Variants in ARHGAP26 observed in about 807,000 individuals in gnomAD.
The protein encoded by ARHGAP26 is rho GTPase-activating protein 26.
Under a neutral mutation model 104.8 loss-of-function variants are expected in ARHGAP26, and 38 were observed. The observed-to-expected ratio is 0.36, with a 90% confidence interval of 0.28 to 0.48. The LOEUF is 0.48. Ranked by LOEUF, ARHGAP26 falls within the 20% of genes least tolerant of loss-of-function variation. The pLI is 0.99. For synonymous variants in ARHGAP26, 341 were observed against 340.0 expected, an observed-to-expected ratio of 1.00 and a Z score of -0.03; for missense variants, 704 against 947.9, an observed-to-expected ratio of 0.74 and a Z score of 3.38.
intron 14 of ARHGAP26, among the ~76,000 whole-genome samples, chr5:143,050,770 C>T (rs1228502528): frequency 6.6e-6 from 1 of 152,156 alleles, no homozygotes; most frequent in African/African-American, 2.4e-5. Flanking sequence ...ATGACAGGAC[C>T]AGAAGATGAT....
At chr5:142,919,897 A>G (rs1288589406) in intron 10 of ARHGAP26, among the ~76,000 whole-genome samples, 2 of 152,128 alleles carry the variant, frequency 1.3e-5, no homozygotes, top group East Asian at 3.9e-4. Context: ...GCTATTCAGG[A>G]GGCTGAGGCA....
chr5:143,158,771 T>C (rs1800824332), intron 20 of ARHGAP26, among the ~76,000 whole-genome samples: 2 of 152,280 alleles, frequency 1.3e-5, no homozygotes, highest in Non-Finnish European at 1.5e-5. Context: ...TCAAAAATAC[T>C]CAGAAAAGGG....
intron 17 of ARHGAP26, among the ~76,000 whole-genome samples, chr5:143,114,319 T>G (rs946130659): frequency 6.6e-6 from 1 of 152,150 alleles, no homozygotes; most frequent in Non-Finnish European, 1.5e-5. Flanking sequence ...GACAGAGGCC[T>G]CCTCAGCGCT....
chr5:143,016,553 A>C (rs1813186), intron 12 of ARHGAP26, among the ~76,000 whole-genome samples: 14,475 of 152,060 alleles, frequency 0.095, 1,300 homozygotes, highest in African/African-American at 0.23. Context: ...AAATACAAAA[A>C]TTAGCCAGGC....
chr5:143,179,407 C>G (rs1368096214), intron 20 of ARHGAP26, among the ~76,000 whole-genome samples: 1 of 152,208 alleles, frequency 6.6e-6, no homozygotes, highest in Non-Finnish European at 1.5e-5. Flanking sequence ...CTTCTTGGAC[C>G]AGCCTGGGAT....
At chr5:142,960,624 A>G (rs1422049271) in intron 11 of ARHGAP26, among the ~76,000 whole-genome samples, 1 of 152,190 alleles carries the variant, frequency 6.6e-6, no homozygotes, top group Non-Finnish European at 1.5e-5. Flanking sequence ...ATGAGGGGAG[A>G]CTACTGTAAT....
chr5:143,211,537 G>A (rs75400461), intron 21 of ARHGAP26, among the ~76,000 whole-genome samples: 4 of 151,922 alleles, frequency 2.6e-5, no homozygotes, highest in African/African-American at 9.7e-5. Flanking sequence ...AAAAAAACAA[G>A]GCCCTTTCTT....
intron 1 of ARHGAP26, among the ~76,000 whole-genome samples, chr5:142,850,298 C>T (rs1016523414): frequency 1.3e-5 from 2 of 152,222 alleles, no homozygotes; most frequent in African/African-American, 4.8e-5. Context: ...ACCAGTTTAA[C>T]TCCTCCTTCC....
intron 14 of ARHGAP26, among the ~76,000 whole-genome samples, chr5:143,045,958 C>T (rs1014929528): frequency 1.3e-5 from 2 of 152,130 alleles, no homozygotes; most frequent in African/African-American, 4.8e-5. Flanking sequence ...ATAGTGAAAC[C>T]CTTTCTCTAC....
At chr5:143,035,496 C>T (rs1038936383) in intron 12 of ARHGAP26, among the ~76,000 whole-genome samples, 4 of 151,250 alleles carry the variant, frequency 2.6e-5, no homozygotes, top group African/African-American at 4.9e-5. Flanking sequence ...TATGAGGATG[C>T]GAAGGCACAA....
At chr5:143,138,747 C>T (rs1798187773) in intron 19 of ARHGAP26, among the ~76,000 whole-genome samples, 1 of 152,126 alleles carries the variant, frequency 6.6e-6, no homozygotes, top group African/African-American at 2.4e-5. Flanking sequence ...ATATAACTTA[C>T]CAGGTGGTTT....
intron 1 of ARHGAP26, among the ~76,000 whole-genome samples, chr5:142,847,996 C>G (rs1328201577): frequency 6.6e-6 from 1 of 152,196 alleles, no homozygotes; most frequent in Non-Finnish European, 1.5e-5. Context: ...TAGTTCTGTC[C>G]TAGAAGAGTG....
At chr5:143,174,050 G>C (rs1363632669) in intron 20 of ARHGAP26, among the ~76,000 whole-genome samples, 1 of 152,144 alleles carries the variant, frequency 6.6e-6, no homozygotes, top group Non-Finnish European at 1.5e-5. Flanking sequence ...TCTTCCAATA[G>C]CCTCTCCATG....
At chr5:142,814,401 AG>A (rs1447713670) in intron 1 of ARHGAP26, among the ~76,000 whole-genome samples, 1 of 152,238 alleles carries the variant, frequency 6.6e-6, no homozygotes, top group Non-Finnish European at 1.5e-5. Flanking sequence ...CTGTTCTCTC[AG>A]GATATTAAGT....
chr5:142,980,474 C>T lies in ARHGAP26; in HGVS notation c.1108-33606C>T, dbSNP rs544955731. 5.3e-5 allele frequency among the ~76,000 whole-genome samples: 8 copies of T among 151,652 alleles called. No individual in the cohort carries two copies. In the East Asian group the frequency reaches 1.2e-3, roughly 22 times the overall value. On this transcript the variant is annotated intron_variant, in intron 11 of 22. Coordinates refer to ENST00000645722, the MANE Select transcript of ARHGAP26 (RefSeq NM_001135608.3). Reference sequence around the variant, plus strand: ...TGCGATCTAGGCTCACTGCAACCTCCGTTTCCTGGGTTTAAGCAATTCTCC... The same window carrying T: ...TGCGATCTAGGCTCACTGCAACCTCTGTTTCCTGGGTTTAAGCAATTCTCC...
intron 20 of ARHGAP26, among the ~76,000 whole-genome samples, chr5:143,173,421 G>A (rs986739195): frequency 5.9e-5 from 9 of 152,114 alleles, no homozygotes; most frequent in African/African-American, 1.2e-4. Context: ...TCAGGAGAGC[G>A]GAAAATCACC....
chr5:143,165,373 G>A (rs552440901), intron 20 of ARHGAP26: 1 of 152,320 alleles, frequency 6.6e-6, no homozygotes, highest in East Asian at 1.9e-4. Flanking sequence ...TATCTAAAAG[G>A]AAGTTTAATG....
chr5:142,872,915 C>G (rs1204803766), intron 1 of ARHGAP26, among the ~76,000 whole-genome samples: 1 of 152,168 alleles, frequency 6.6e-6, no homozygotes, highest in Non-Finnish European at 1.5e-5. Flanking sequence ...CCCAGCCCCT[C>G]CTTCCAGCCT....
rs576530092 is a variant in ARHGAP26, at chr5:143,012,871, GT to G, written c.1108-1208del. On this transcript the variant is annotated intron_variant, in intron 11 of 22. Coordinates refer to ENST00000645722, the MANE Select transcript of ARHGAP26 (RefSeq NM_001135608.3). ...GAGTTTCACCATGTTAGCCAGGATG[GT>G]CTCGATCTCCTGACCTCATGATCCA... Among the ~76,000 whole-genome samples the G allele has an allele frequency of 4.9e-3, 745 of 151,832 alleles. 7 individuals are homozygous for G. Among genetic ancestry groups the G allele is most frequent in the Non-Finnish European group, 8.4e-3 (568 of 67,942 alleles).
Sources: allele counts gnomAD v4.1 joint callset (sites outside exome capture counted in the v4.1 genomes callset), GRCh38; gene constraint gnomAD v4.1.1; transcripts MANE v1.5; gene names NCBI Gene and HGNC (gene_info 2026-07-23, HGNC 2026-07-21).